The following TRAPPC12 variants were observed in gnomAD, a reference collection of about 807,000 sequenced individuals.
TRAPPC12 encodes the protein trafficking protein particle complex subunit 12.
TRAPPC12 carries 61 observed loss-of-function variants against 69.2 expected under a neutral mutation model. The observed-to-expected ratio is 0.88, with a 90% CI of 0.72 to 1.09. The LOEUF (loss-of-function observed/expected upper bound fraction) is 1.09. Among genes scored for constraint, TRAPPC12 ranks in the 50% least tolerant of loss-of-function variants. The pLI, the probability that TRAPPC12 is intolerant of heterozygous loss-of-function variation, is 0.00. For synonymous variants in TRAPPC12, 469 were observed against 438.9 expected (o/e 1.07, Z -0.86); for missense variants, 1,101 against 1,016.4 (o/e 1.08, Z -1.13).
rs949218200 is a variant in TRAPPC12 at position 3,456,830 on chromosome 2, C to T, written c.1531-791C>T. ...CTGGGCTCAAGTGACCCACCTGCCTCGGCCTCCCAAGGTGTTGGGATTACA... is the reference window on the plus strand; with the variant it reads ...CTGGGCTCAAGTGACCCACCTGCCTTGGCCTCCCAAGGTGTTGGGATTACA... On this transcript the variant is annotated intron_variant, in intron 6 of 11. Coordinates refer to ENST00000324266, the MANE Select transcript of TRAPPC12 (RefSeq NM_016030.6). 5.3e-5 allele frequency: 14 copies of T among 265,364 alleles called. No individual in the cohort carries two copies. The East Asian group carries it at 1.0e-3, about 19-fold the overall frequency. 16.4% of individuals were successfully genotyped at this position (265,364 alleles called of 1,614,324 possible).
chr2:3,380,621 C>T (rs567425609), intron 1 of TRAPPC12, among the ~76,000 whole-genome samples: 90 of 152,168 alleles, frequency 5.9e-4, no homozygotes, highest in Non-Finnish European at 9.6e-4. Context: ...AAGATAGTGG[C>T]GGATAATGAG....
intron 9 of TRAPPC12, 144 bp from the exon 10 acceptor site, chr2:3,477,551 A>C (rs1666344980): frequency 2.0e-6 from 1 of 495,512 alleles, no homozygotes; most frequent in Non-Finnish European, 3.6e-6. Context: ...TTTTATTAAA[A>C]AATGATTAAA....
chr2:3,453,527 C>T (rs1449775803), intron 6 of TRAPPC12, among the ~76,000 whole-genome samples: 1 of 152,230 alleles, frequency 6.6e-6, no homozygotes, highest in East Asian at 1.9e-4. Context: ...CGCCTGGGCC[C>T]TCAGCAGCTT....
In TRAPPC12 at chr2:3,393,666, T is replaced by C. The variant is rs11695735; in HGVS notation, c.1047+4996T>C. Among the ~76,000 whole-genome samples the C allele has an allele frequency of 3.7e-3, 544 of 147,356 alleles. 2 individuals carry two copies. Among genetic ancestry groups the C allele is most frequent in the Non-Finnish European group, 5.3e-3 (356 of 67,320 alleles). On this transcript the variant is annotated intron_variant, in intron 2 of 11. Coordinates refer to ENST00000324266, the MANE Select transcript of TRAPPC12 (RefSeq NM_016030.6). Reference sequence around the variant, plus strand: ...CTAAATATTCTAAAATTTAAAAATATGCCTTTTCTATTTACCCACATTTAA... The same window carrying C: ...CTAAATATTCTAAAATTTAAAAATACGCCTTTTCTATTTACCCACATTTAA...
At chr2:3,440,427 G>T (rs141505382) in intron 5 of TRAPPC12, among the ~76,000 whole-genome samples, 1 of 151,602 alleles carries the variant, frequency 6.6e-6, no homozygotes, top group African/African-American at 2.4e-5. Flanking sequence ...TTATACGTGG[G>T]TATTTCACTT....
At chr2:3,392,637 A>G (rs957874175) in intron 2 of TRAPPC12, among the ~76,000 whole-genome samples, 3 of 152,244 alleles carry the variant, frequency 2.0e-5, no homozygotes, top group Non-Finnish European at 2.9e-5. Context: ...AATGCAAATC[A>G]AAATCACAAT....
intron 2 of TRAPPC12, among the ~76,000 whole-genome samples, chr2:3,400,297 GCGTTT>G (rs1661367173): frequency 1.3e-5 from 2 of 149,582 alleles, no homozygotes; most frequent in East Asian, 2.0e-4. Flanking sequence ...ACTGTCTCTG[GCGTTT>G]CAGGGACCTC....
intron 5 of TRAPPC12, among the ~76,000 whole-genome samples, chr2:3,443,005 A>G (rs769490354): frequency 6.6e-6 from 1 of 152,246 alleles, no homozygotes; most frequent in East Asian, 1.9e-4. Flanking sequence ...CTTAGTATAC[A>G]TACTACAGAT....
At chr2:3,390,128 C>T (rs1159608077) in intron 2 of TRAPPC12, among the ~76,000 whole-genome samples, 2 of 152,164 alleles carry the variant, frequency 1.3e-5, no homozygotes, top group Non-Finnish European at 2.9e-5. Context: ...TGCAGCTAGG[C>T]TTTAAACTGT....
At chr2:3,453,430 C>G (rs1664959502) in intron 6 of TRAPPC12, among the ~76,000 whole-genome samples, 1 of 152,236 alleles carries the variant, frequency 6.6e-6, no homozygotes, top group South Asian at 2.1e-4. Context: ...TCCTTCTGCC[C>G]CTGTGGCTGG....
Position 3,388,229 on chromosome 2 carries a change from C to T in TRAPPC12, c.606C>T (p.Pro202=), listed in dbSNP as rs1660602971. 1 of 1,608,602 alleles carries T rather than the reference C, an allele frequency of 6.2e-7. No individual in the cohort carries two copies. The highest frequency in any genetic ancestry group is 8.5e-7 in the Non-Finnish European group (1 of 1,177,758). ...GGACACCGCCCCAGGTCGTGCAGCC[C>T]AGCCCCAGCCTCAGCACGTTCTTCG... is the stretch of plus-strand genomic sequence containing the variant. The part of the protein sequence containing the change: ...SARTPPQVVQ[P]SPSLSTFFGD... The change falls in exon 2 of 12, where the codon CCC becomes CCT. Residue 202 remains proline (P), a synonymous_variant. Coordinates refer to ENST00000324266, the MANE Select transcript of TRAPPC12 (RefSeq NM_016030.6).
chr2:3,380,323 A>G (rs1017276199), intron 1 of TRAPPC12, among the ~76,000 whole-genome samples: 3 of 152,206 alleles, frequency 2.0e-5, no homozygotes, highest in African/African-American at 7.2e-5. Context: ...TGCCAAACTC[A>G]GCATTGTGAG....
intron 1 of TRAPPC12, among the ~76,000 whole-genome samples, chr2:3,385,885 A>G (rs1416312272): frequency 6.6e-6 from 1 of 152,254 alleles, no homozygotes; most frequent in East Asian, 1.9e-4. Flanking sequence ...AAGGACCCGA[A>G]GGAGCAGCCT....
intron 9 of TRAPPC12, among the ~76,000 whole-genome samples, chr2:3,468,559 T>C (rs766587133): frequency 3.3e-5 from 5 of 152,176 alleles, no homozygotes; most frequent in Non-Finnish European, 7.3e-5. Flanking sequence ...GTCTTTCCTA[T>C]GTCTTGAGGA....
intron 6 of TRAPPC12, among the ~76,000 whole-genome samples, chr2:3,445,742 T>G (rs1260691384): frequency 6.6e-6 from 1 of 152,246 alleles, no homozygotes; most frequent in Admixed American, 6.5e-5. Flanking sequence ...TTGCCTGGCT[T>G]CATCACTATA....
intron 8 of TRAPPC12, chr2:3,460,907 A>AG (rs1665458040): frequency 2.0e-5 from 3 of 152,796 alleles, no homozygotes; most frequent in Non-Finnish European, 2.9e-5. Context: ...TTTGGAACGC[A>AG]CCCCACACCT....
intron 1 of TRAPPC12, among the ~76,000 whole-genome samples, chr2:3,381,643 A>G (rs1353730994): frequency 6.6e-5 from 10 of 152,212 alleles, no homozygotes; most frequent in Admixed American, 6.5e-4. Flanking sequence ...GTGTTTTTCC[A>G]TTTTTAATTA....
intron 3 of TRAPPC12, among the ~76,000 whole-genome samples, chr2:3,418,892 C>T (rs1157845527): frequency 6.6e-6 from 1 of 152,210 alleles, no homozygotes; most frequent in South Asian, 2.1e-4. Flanking sequence ...CCCGACCCTC[C>T]TCTGCCTCAC....
At chr2:3,390,135 C>T (rs963997613) in intron 2 of TRAPPC12, among the ~76,000 whole-genome samples, 1 of 152,216 alleles carries the variant, frequency 6.6e-6, no homozygotes, top group Non-Finnish European at 1.5e-5. Context: ...AGGCTTTAAA[C>T]TGTCTTCAGT....
Sources: gnomAD v4.1 joint callset for allele counts (sites outside exome capture counted in the v4.1 genomes callset) on GRCh38, gnomAD v4.1.1 for gene constraint, MANE v1.5 for transcripts, NCBI Gene and HGNC (gene_info 2026-07-23, HGNC 2026-07-21) for gene names.